Variants in RGS7 observed in about 807,000 individuals in gnomAD.
The protein encoded by RGS7 is regulator of G protein signaling 7.
A neutral mutation model predicts 81.1 loss-of-function variants in RGS7; 27 were observed. The ratio of observed to expected loss-of-function variants is 0.33; its 90% CI spans 0.25 to 0.46. The LOEUF is 0.46. RGS7 is among the 20% of genes least tolerant of loss of function. The pLI is 1.00. For synonymous variants in RGS7, 208 were observed against 207.7 expected (o/e 1.00, Z -0.01); for missense variants, 396 against 607.4 (o/e 0.65, Z 3.66).
chr1:240,780,439 CAAAAAAAAAAAAA>C (rs34568911), intron 18 of RGS7, among the ~76,000 whole-genome samples: 2 of 40,210 alleles, frequency 5.0e-5, no homozygotes, highest in African/African-American at 1.4e-4. Context: ...GACTCTGTCT[CAAAAAAAAAAAAA>C]AAAAAAAAAA....
intron 2 of RGS7, among the ~76,000 whole-genome samples, chr1:241,278,044 T>C (rs1399862842): frequency 6.6e-6 from 1 of 152,244 alleles, no homozygotes; most frequent in Non-Finnish European, 1.5e-5. Context: ...TGTCTTTGTT[T>C]TGCCCGCTGT....
intron 6 of RGS7, among the ~76,000 whole-genome samples, chr1:240,924,462 G>C (rs1285332728): frequency 6.6e-6 from 1 of 152,066 alleles, no homozygotes; most frequent in Non-Finnish European, 1.5e-5. Flanking sequence ...GCGATGTTTT[G>C]AACAACTTTA....
At chr1:240,911,986 C>CA (rs756359806) in intron 6 of RGS7, among the ~76,000 whole-genome samples, 5,547 of 127,984 alleles carry the variant, frequency 0.043, 309 homozygotes, top group African/African-American at 0.14. Context: ...CTAAAAATAC[C>CA]AAAAAAAAAA....
intron 2 of RGS7, among the ~76,000 whole-genome samples, chr1:241,240,855 G>C (rs1443060597): frequency 1.3e-5 from 2 of 152,100 alleles, no homozygotes; most frequent in African/African-American, 4.8e-5. Context: ...CCTACTCCCT[G>C]AGCCCTTTCT....
chr1:241,109,108 A>G (rs2065331250), intron 2 of RGS7, among the ~76,000 whole-genome samples: 1 of 152,130 alleles, frequency 6.6e-6, no homozygotes. Context: ...CAACCCCATG[A>G]ATTTTCTGTA....
At chr1:241,017,580 T>C (rs113892421) in intron 3 of RGS7, among the ~76,000 whole-genome samples, 2 of 120,710 alleles carry the variant, frequency 1.7e-5, no homozygotes, top group East Asian at 4.0e-4. Flanking sequence ...TAGCCAGACA[T>C]AGAATTATAG....
intron 3 of RGS7, among the ~76,000 whole-genome samples, chr1:241,001,353 G>A (rs1242626041): frequency 6.6e-6 from 1 of 151,932 alleles, no homozygotes; most frequent in African/African-American, 2.4e-5. Flanking sequence ...AAAAGATTGA[G>A]GTTTAAATGA....
chr1:240,833,598 A>G (rs1312948080), intron 9 of RGS7, among the ~76,000 whole-genome samples: 2 of 152,178 alleles, frequency 1.3e-5, no homozygotes, highest in African/African-American at 4.8e-5. Context: ...TAGGTCAAGG[A>G]GCATCTGTAT....
intron 9 of RGS7, among the ~76,000 whole-genome samples, chr1:240,861,923 C>A (rs1449825928): frequency 2.0e-5 from 3 of 152,064 alleles, no homozygotes; most frequent in Non-Finnish European, 4.4e-5. Flanking sequence ...ATGTTAAAAT[C>A]CTGTTAATAC....
chr1:241,205,483 CAG>C (rs533136395), intron 2 of RGS7, among the ~76,000 whole-genome samples: 379 of 149,232 alleles, frequency 2.5e-3, no homozygotes, highest in African/African-American at 9.0e-3. Flanking sequence ...TTTTTTGAGA[CAG>C]AGTCTTGTTC....
intron 2 of RGS7, among the ~76,000 whole-genome samples, chr1:241,100,677 T>C (rs966310672): frequency 1.3e-5 from 2 of 152,228 alleles, no homozygotes; most frequent in Admixed American, 6.5e-5. Flanking sequence ...TAATAATTTC[T>C]TCATAGCGTT....
Position 241,071,874 on chromosome 1 carries a change from C to CAAAAAAAAAAAAAA in RGS7, c.175+26778_175+26791dup, listed in dbSNP as rs58217460. ...GACAGATGACAGAGTGAGACCCTGT[C>CAAAAAAAAAAAAAA]AAAAAAAAAAAAAAAAAAAAACAAG... On this transcript the variant is annotated intron_variant, in intron 3 of 18. Coordinates refer to ENST00000440928, the MANE Select transcript of RGS7 (RefSeq NM_001364886.1). Among the ~76,000 whole-genome samples the CAAAAAAAAAAAAAA allele has an allele frequency of 4.5e-3, 254 of 56,782 alleles. 16 individuals are homozygous for CAAAAAAAAAAAAAA. The highest frequency in any genetic ancestry group is 7.1e-3 in the African/African-American group (82 of 11,514). 37.3% of individuals were successfully genotyped at this position (56,782 alleles called of 152,430 possible). A position where few individuals can be genotyped will look rare whatever the true frequency, so the allele number is the denominator to read the frequency against.
intron 4 of RGS7, among the ~76,000 whole-genome samples, chr1:240,946,419 A>C (rs966337096): frequency 1.3e-5 from 2 of 152,134 alleles, no homozygotes; most frequent in African/African-American, 4.8e-5. Flanking sequence ...CCTGGACATC[A>C]TAGTGAGACT....
intron 2 of RGS7, among the ~76,000 whole-genome samples, chr1:241,235,666 T>C (rs946662974): frequency 4.9e-5 from 4 of 81,018 alleles, no homozygotes; most frequent in Non-Finnish European, 1.1e-4. Flanking sequence ...TTCTTTCTCT[T>C]TCTCTCTCTC....
At chr1:241,138,314 C>T (rs1381946941) in intron 2 of RGS7, among the ~76,000 whole-genome samples, 1 of 152,020 alleles carries the variant, frequency 6.6e-6, no homozygotes, top group Non-Finnish European at 1.5e-5. Context: ...ATGTCACAGT[C>T]AACCAAAATT....
chr1:241,018,343 G>A (rs1437483961), intron 3 of RGS7, among the ~76,000 whole-genome samples: 1 of 151,646 alleles, frequency 6.6e-6, no homozygotes, highest in Non-Finnish European at 1.5e-5. Flanking sequence ...GTAATTTTTT[G>A]TTGAAAGCCA....
At chr1:241,303,273 G>A (rs2079883021) in intron 2 of RGS7, among the ~76,000 whole-genome samples, 2 of 152,094 alleles carry the variant, frequency 1.3e-5, no homozygotes, top group Non-Finnish European at 2.9e-5. Flanking sequence ...AAATCTGGTA[G>A]TTTAAAAATG....
At chr1:240,969,752 C>T (rs1286589592) in intron 4 of RGS7, among the ~76,000 whole-genome samples, 4 of 152,204 alleles carry the variant, frequency 2.6e-5, no homozygotes, top group Non-Finnish European at 4.4e-5. Context: ...CTCTAACAAA[C>T]GTACTGTGTT....
chr1:241,006,913 T>A (rs944710433), intron 3 of RGS7, among the ~76,000 whole-genome samples: 1 of 152,070 alleles, frequency 6.6e-6, no homozygotes, highest in Non-Finnish European at 1.5e-5. Context: ...TTCTCTTTCT[T>A]CTTCTTCTTC....
Sources: allele counts gnomAD v4.1 joint callset (sites outside exome capture counted in the v4.1 genomes callset), GRCh38; gene constraint gnomAD v4.1.1; transcripts MANE v1.5; gene names NCBI Gene and HGNC (gene_info 2026-07-23, HGNC 2026-07-21).